Variants in C19orf18 observed in about 807,000 individuals in gnomAD.
The protein encoded by C19orf18 is chromosome 19 open reading frame 18.
Under a neutral mutation model 23.3 loss-of-function variants are expected in C19orf18, and 21 were observed. The observed-to-expected ratio is 0.90, with a 90% CI of 0.64 to 1.30. C19orf18 has a LOEUF of 1.30. Ranked by LOEUF, C19orf18 falls within the 50% of genes most tolerant of loss-of-function variation. The pLI, the probability that C19orf18 is intolerant of heterozygous loss-of-function variation, is 0.00. For missense variants in C19orf18, 249 were observed against 259.6 expected (o/e 0.96, Z 0.28); for synonymous variants, 96 against 95.2 (o/e 1.01, Z -0.05).
intron 4 of C19orf18, among the ~76,000 whole-genome samples, chr19:57,963,846 C>T (rs897600685): frequency 3.9e-5 from 6 of 151,940 alleles, no homozygotes; most frequent in African/African-American, 7.3e-5. Flanking sequence ...GCTGAGATGA[C>T]GCCACTGCAC....
In C19orf18 at chr19:57,963,714, C is replaced by T. The variant is rs1015870450; in HGVS notation, c.372-2163G>A. ...CATCCTGGGTAACATGGTGAAACCC[C>T]GTCTCTAATAAAAATACAAAAAAAA... On this transcript the variant is annotated intron_variant, in intron 4 of 5. Coordinates refer to ENST00000314391, the MANE Select transcript of C19orf18 (RefSeq NM_152474.5). Among the ~76,000 whole-genome samples, 14 of 151,846 alleles carry T rather than the reference C, an allele frequency of 9.2e-5. No homozygotes were observed. The East Asian group carries it at 1.2e-3, about 13-fold the overall frequency.
At chr19:57,959,259 C>T (rs891958725) in intron 5 of C19orf18, among the ~76,000 whole-genome samples, 12 of 152,130 alleles carry the variant, frequency 7.9e-5, no homozygotes, top group Non-Finnish European at 1.2e-4. Context: ...GAGGCCAAGA[C>T]GGGAAGATCT....
chr19:57,962,451 AATCCT>A (rs2072880128), intron 4 of C19orf18, among the ~76,000 whole-genome samples: 3 of 152,216 alleles, frequency 2.0e-5, no homozygotes, highest in Non-Finnish European at 2.9e-5. Flanking sequence ...CTGTAGGTCC[AATCCT>A]GGAAGTGGAT....
In C19orf18 at chr19:57,974,345, G is replaced by GT; in HGVS notation, c.87dup (p.Leu30ThrfsTer14). The GT allele has an allele frequency of 6.2e-7, 1 of 1,614,120 alleles. No homozygotes were observed. Among genetic ancestry groups the GT allele is most frequent in the Non-Finnish European group, 8.5e-7 (1 of 1,180,016 alleles). ...CCTGTTATGTTTCCAGTGGGATGGA[G>GT]TCCATCTGCATACGGCAAGCATAAA... On this transcript the variant is annotated frameshift_variant, in exon 1 of 6. Transcript: ENST00000314391. LOFTEE classifies it high-confidence loss of function.
chr19:57,966,375 T>TGAGTA, intron 4 of C19orf18, among the ~76,000 whole-genome samples, 155 bp downstream of exon 4: 1 of 152,172 alleles, frequency 6.6e-6, no homozygotes, highest in Non-Finnish European at 1.5e-5. Context: ...ATGAGTACAA[T>TGAGTA]CCACATGTTG....
At chr19:57,962,141 C>A (rs895034607) in intron 4 of C19orf18, among the ~76,000 whole-genome samples, 8 of 151,838 alleles carry the variant, frequency 5.3e-5, no homozygotes, top group Admixed American at 4.0e-4. Context: ...AACAGTCTTA[C>A]CTGCTCAGCC....
intron 2 of C19orf18, among the ~76,000 whole-genome samples, chr19:57,973,724 CAAAAAAAAA>C (rs59211957): frequency 9.3e-6 from 1 of 107,776 alleles, no homozygotes. Flanking sequence ...GACTCTGTCT[CAAAAAAAAA>C]AAAAAGAAAA....
intron 4 of C19orf18, among the ~76,000 whole-genome samples, chr19:57,966,220 A>G (rs1009380488): frequency 6.6e-6 from 1 of 151,404 alleles, no homozygotes; most frequent in Non-Finnish European, 1.5e-5. Flanking sequence ...CTCATGATCC[A>G]CCCGCCTCGG....
chr19:57,969,686 C>T (rs2072932901), intron 3 of C19orf18, among the ~76,000 whole-genome samples: 1 of 145,690 alleles, frequency 6.9e-6, no homozygotes, highest in Non-Finnish European at 1.5e-5. Context: ...CCGGGTGGAT[C>T]ACCTGAGGTC....
At chr19:57,962,929 G>A (rs1377223957) in intron 4 of C19orf18, among the ~76,000 whole-genome samples, 1 of 152,046 alleles carries the variant, frequency 6.6e-6, no homozygotes, top group Non-Finnish European at 1.5e-5. Context: ...TGGGACAGGA[G>A]CAAGATTTGA....
chr19:57,964,803 T>C (rs1260924752), intron 4 of C19orf18, among the ~76,000 whole-genome samples: 1 of 152,226 alleles, frequency 6.6e-6, no homozygotes, highest in Non-Finnish European at 1.5e-5. Context: ...AATTTTGTAC[T>C]TCTCAAGCTG....
intron 5 of C19orf18, among the ~76,000 whole-genome samples, chr19:57,959,504 A>G (rs2072850722): frequency 6.6e-6 from 1 of 152,046 alleles, no homozygotes; most frequent in African/African-American, 2.4e-5. Context: ...ATGTGCCTGT[A>G]ATCCCAGCTA....
At chr19:57,969,678 G>A (rs1474697808) in intron 3 of C19orf18, among the ~76,000 whole-genome samples, 3 of 149,290 alleles carry the variant, frequency 2.0e-5, no homozygotes, top group South Asian at 2.1e-4. Flanking sequence ...AGGCCGAGCC[G>A]GGTGGATCAC....
chr19:57,970,761 T>C (rs1329271670), intron 3 of C19orf18, among the ~76,000 whole-genome samples: 2 of 152,126 alleles, frequency 1.3e-5, no homozygotes, highest in Non-Finnish European at 2.9e-5. Context: ...GGTTTCACCA[T>C]GTTGTCCAGG....
At chr19:57,959,447 A>AC (rs3214469) in intron 5 of C19orf18, among the ~76,000 whole-genome samples, 33,998 of 150,152 alleles carry the variant, frequency 0.23, 4,791 homozygotes, top group African/African-American at 0.41. Context: ...ACATGGTGAG[A>AC]CCCCCCATCT....
At chr19:57,966,206 T>C (rs1017533811) in intron 4 of C19orf18, among the ~76,000 whole-genome samples, 3 of 152,148 alleles carry the variant, frequency 2.0e-5, no homozygotes, top group Non-Finnish European at 4.4e-5. Flanking sequence ...CTCGATCTCC[T>C]GACCTCATGA....
rs530935356 is a variant in C19orf18 at position 57,967,190 on chromosome 19, C to T, written c.269-558G>A. ...CCATATTAGCTGTGTGGTGGGGACA[C>T]AACTGAAGCAGTTTCAGGAGGGAGT... is the stretch of plus-strand genomic sequence containing the variant. On this transcript the variant is annotated intron_variant, in intron 3 of 5. Coordinates refer to ENST00000314391, the MANE Select transcript of C19orf18 (RefSeq NM_152474.5). Among the ~76,000 whole-genome samples the T allele has an allele frequency of 2.0e-5, 3 of 152,078 alleles. No homozygotes were observed. The East Asian group carries it at 5.8e-4, about 29-fold the overall frequency.
At chr19:57,958,802 A>G in intron 5 of C19orf18, 85 bp from the exon 6 acceptor site, 1 of 677,490 alleles carries the variant, frequency 1.5e-6, no homozygotes, top group Non-Finnish European at 2.4e-6. Context: ...AAAGCCTGGA[A>G]AAATAGAGGT....
intron 5 of C19orf18, among the ~76,000 whole-genome samples, chr19:57,959,447 A>ACC (rs3214469): frequency 4.4e-4 from 66 of 150,214 alleles, no homozygotes; most frequent in African/African-American, 1.3e-3. Context: ...ACATGGTGAG[A>ACC]CCCCCCATCT....
Sources: allele counts gnomAD v4.1 joint callset (sites outside exome capture counted in the v4.1 genomes callset), GRCh38; gene constraint gnomAD v4.1.1; transcripts MANE v1.5; gene names NCBI Gene and HGNC (gene_info 2026-07-23, HGNC 2026-07-21).